Variants in DCDC2 observed in about 807,000 individuals in gnomAD.
DCDC2 encodes doublecortin domain-containing protein 2.
A neutral mutation model predicts 50.2 loss-of-function variants in DCDC2; 40 were observed. The observed-to-expected ratio is 0.80, with a 90% CI of 0.62 to 1.04. The LOEUF (loss-of-function observed/expected upper bound fraction) is 1.04. Ranked by LOEUF, DCDC2 falls within the 50% of genes least tolerant of loss-of-function variation. DCDC2 has a pLI of 0.00. For missense variants in DCDC2, 570 were observed against 581.9 expected, an observed-to-expected ratio of 0.98 and a Z score of 0.21; for synonymous variants, 234 against 210.6, an observed-to-expected ratio of 1.11 and a Z score of -0.96.
intron 2 of DCDC2, among the ~76,000 whole-genome samples, chr6:24,303,780 T>A (rs565242016): frequency 7.2e-5 from 11 of 152,330 alleles, no homozygotes; most frequent in African/African-American, 2.6e-4. Context: ...TAGTCCCAAT[T>A]TACTAAAGAA....
intron 7 of DCDC2, among the ~76,000 whole-genome samples, chr6:24,207,410 T>C (rs1430473061): frequency 2.0e-5 from 3 of 151,984 alleles, no homozygotes; most frequent in Non-Finnish European, 2.9e-5. Flanking sequence ...TAAATGTTAC[T>C]TGAAAACATA....
intron 7 of DCDC2, among the ~76,000 whole-genome samples, chr6:24,209,401 G>A (rs1319162796): frequency 2.0e-5 from 3 of 152,136 alleles, no homozygotes; most frequent in African/African-American, 4.8e-5. Flanking sequence ...ATTCTACCAC[G>A]ACTCATGAAG....
In DCDC2 at chr6:24,186,340, C is replaced by A. The variant is rs141009254; in HGVS notation, c.1024-7708G>T. The stretch of plus-strand genomic sequence containing the variant: ...CAGTTTCTCATTTTATCTTCCCAAC[C>A]TGTGGGCAGATGTGATTATTATTTC... On this transcript the variant is annotated intron_variant, in intron 8 of 9. Transcript: ENST00000378454. 1.4e-3 allele frequency among the ~76,000 whole-genome samples: 218 copies of A among 152,296 alleles called. 1 individual carries two copies. Among genetic ancestry groups the A allele is most frequent in the African/African-American group, 5.1e-3 (210 of 41,572 alleles).
At chr6:24,373,238 G>C in the DCDC2 span, among the ~76,000 whole-genome samples, 3 of 152,174 alleles carry the variant, frequency 2.0e-5, no homozygotes, top group African/African-American at 7.2e-5. Flanking sequence ...CTTCTACTTT[G>C]TACATATCCT....
At chr6:24,251,138 G>A (rs532889987) in intron 7 of DCDC2, among the ~76,000 whole-genome samples, 20 of 152,254 alleles carry the variant, frequency 1.3e-4, no homozygotes, top group Admixed American at 2.0e-4. Flanking sequence ...GGTCTAAAGT[G>A]TTATTAATCT....
At position 24,278,402 on chromosome 6, in the gene DCDC2, G is replaced by T. The variant is rs528694223; in HGVS notation, c.760-191C>A. ...CTGGAGGCAAAAGGGTCTAGGAGAG[G>T]AAGGAGGATAAAAATAATAGCTAAC... On this transcript the variant is annotated intron_variant, in intron 6 of 9. Coordinates refer to ENST00000378454, the MANE Select transcript of DCDC2 (RefSeq NM_016356.5). 2.1e-4 allele frequency among the ~76,000 whole-genome samples: 32 copies of T among 152,260 alleles called. 1 individual carries two copies. Among genetic ancestry groups the T allele is most frequent in the African/African-American group, 7.2e-4 (30 of 41,538 alleles).
intron 7 of DCDC2, among the ~76,000 whole-genome samples, chr6:24,219,887 C>G (rs1237113447): frequency 6.6e-6 from 1 of 152,170 alleles, no homozygotes; most frequent in Non-Finnish European, 1.5e-5. Context: ...AGGGTGCTCA[C>G]AGCCCCTAGA....
At chr6:24,305,330 A>C (rs960904374) in intron 2 of DCDC2, among the ~76,000 whole-genome samples, 5 of 152,202 alleles carry the variant, frequency 3.3e-5, no homozygotes, top group Admixed American at 6.5e-5. Flanking sequence ...ACTAATCTTA[A>C]AGTTATATTT....
chr6:24,357,460 G>T lies in DCDC2; in HGVS notation c.291C>A (p.Leu97=). The part of the protein sequence containing the change: ...VAGGQEAFKK[L]NYLDIGEIKK... ...GGCGGTGGGGGAGACCGACTCACTT[G>T]AGTTTCTTGAAGGCTTCCTGGCCTC... The change falls in exon 1 of 10, where the codon CTC becomes CTA. Residue 97 remains leucine, a splice_region_variant and synonymous_variant. Transcript: ENST00000378454. The T allele has an allele frequency of 6.2e-7, 1 of 1,600,106 alleles. No individual in the cohort carries two copies. The highest frequency in any genetic ancestry group is 8.5e-7 in the Non-Finnish European group (1 of 1,171,886).
At chr6:24,224,024 C>T (rs984760726) in intron 7 of DCDC2, among the ~76,000 whole-genome samples, 1 of 152,126 alleles carries the variant, frequency 6.6e-6, no homozygotes, top group Non-Finnish European at 1.5e-5. Context: ...GGATCAACTG[C>T]AGATGCCCAC....
chr6:24,271,207 C>CAAAAAAAA (rs543819229), intron 7 of DCDC2, among the ~76,000 whole-genome samples: 6,980 of 39,356 alleles, frequency 0.18, 2,006 homozygotes, highest in African/African-American at 0.27. Context: ...GACACTCCCT[C>CAAAAAAAA]AAAAAAAAAA....
chr6:24,286,775 A>G (rs768809453), intron 6 of DCDC2, among the ~76,000 whole-genome samples: 2 of 152,172 alleles, frequency 1.3e-5, no homozygotes, highest in Non-Finnish European at 2.9e-5. Context: ...CTTCTTGGCC[A>G]TAGAACTACC....
upstream of DCDC2, among the ~76,000 whole-genome samples, chr6:24,360,840 TA>T (rs1760654821): frequency 2.0e-5 from 3 of 152,150 alleles, no homozygotes; most frequent in Non-Finnish European, 4.4e-5. Flanking sequence ...ATATTCACAA[TA>T]ACCTTCAGAG....
intron 2 of DCDC2, among the ~76,000 whole-genome samples, chr6:24,325,442 G>A (rs1206034644): frequency 2.7e-5 from 4 of 149,464 alleles, no homozygotes; most frequent in Non-Finnish European, 4.5e-5. Flanking sequence ...AAGATGAGTG[G>A]GGGTTATTGT....
At chr6:24,222,862 CATT>C (rs2113776853) in intron 7 of DCDC2, among the ~76,000 whole-genome samples, 2 of 152,192 alleles carry the variant, frequency 1.3e-5, no homozygotes, top group Admixed American at 6.5e-5. Flanking sequence ...TTATTAAAGC[CATT>C]ATTATTTCCA....
chr6:24,241,567 T>C (rs779292072), intron 7 of DCDC2, among the ~76,000 whole-genome samples: 1 of 152,184 alleles, frequency 6.6e-6, no homozygotes, highest in Non-Finnish European at 1.5e-5. Context: ...TCTAAAGTAT[T>C]CTCCAACTAC....
At chr6:24,318,809 A>G (rs1173387370) in intron 2 of DCDC2, among the ~76,000 whole-genome samples, 1 of 113,204 alleles carries the variant, frequency 8.8e-6, no homozygotes, top group Non-Finnish European at 1.8e-5. Context: ...GTATTATATC[A>G]CATTTTCTGT....
intron 2 of DCDC2, among the ~76,000 whole-genome samples, chr6:24,339,089 CATGT>C (rs964633230): frequency 6.6e-6 from 1 of 152,176 alleles, no homozygotes; most frequent in African/African-American, 2.4e-5. Context: ...CCAAACAGCA[CATGT>C]ATGTTTCTCA....
At chr6:24,321,213 G>C (rs917164755) in intron 2 of DCDC2, among the ~76,000 whole-genome samples, 7 of 135,194 alleles carry the variant, frequency 5.2e-5, no homozygotes, top group African/African-American at 1.9e-4. Context: ...AATGAAAATA[G>C]AAAATCACCT....
Sources: gnomAD v4.1 joint callset for allele counts (sites outside exome capture counted in the v4.1 genomes callset) on GRCh38, gnomAD v4.1.1 for gene constraint, MANE v1.5 for transcripts, NCBI Gene and HGNC (gene_info 2026-07-23, HGNC 2026-07-21) for gene names.